Variants in RGL1 observed in about 807,000 individuals in gnomAD.
RGL1 encodes ral guanine nucleotide dissociation stimulator-like 1.
Under a neutral mutation model 95.2 loss-of-function variants are expected in RGL1, and 24 were observed. That is an observed-to-expected ratio of 0.25 (90% CI 0.18 to 0.35). The LOEUF is 0.35. RGL1 is among the 10% of genes least tolerant of loss of function. RGL1 has a pLI of 1.00. For missense variants in RGL1, 715 were observed against 936.3 expected (o/e 0.76, Z 3.08); for synonymous variants, 329 against 344.9 (o/e 0.95, Z 0.51).
intron 2 of RGL1, among the ~76,000 whole-genome samples, chr1:183,837,191 G>A (rs1408701076): frequency 6.6e-6 from 1 of 151,702 alleles, no homozygotes; most frequent in Non-Finnish European, 1.5e-5. Flanking sequence ...GCCCCATGGA[G>A]CTGTCTGTGG....
intron 1 of RGL1, among the ~76,000 whole-genome samples, chr1:183,700,411 G>C (rs967542869): frequency 1.3e-5 from 2 of 149,160 alleles, no homozygotes; most frequent in African/African-American, 4.9e-5. Context: ...AAAATGGACA[G>C]AAAGCAGGTT....
At chr1:183,706,300 A>C (rs1406850355) in intron 1 of RGL1, among the ~76,000 whole-genome samples, 1 of 152,154 alleles carries the variant, frequency 6.6e-6, no homozygotes, top group Non-Finnish European at 1.5e-5. Flanking sequence ...CAATTCCCAC[A>C]ACAGAGACTT....
In RGL1 at chr1:183,928,163, T is replaced by TTA. The variant is rs562119147; in HGVS notation, c.*1871_*1872insTA. Reference sequence around the variant, plus strand: ...CAGCCTGATATTCTTGGTGCGAAGGTAAAAAAAAAAAAATAAATAAAACCA... The same window carrying TTA: ...CAGCCTGATATTCTTGGTGCGAAGGTTAAAAAAAAAAAAAATAAATAAAACCA... On this transcript the variant is annotated 3_prime_UTR_variant, in exon 18 of 18. Transcript: ENST00000360851. 1.4e-5 allele frequency: 2 copies of TTA among 144,514 alleles called. No individual in the cohort carries two copies. Among genetic ancestry groups the TTA allele is most frequent in the African/African-American group, 2.6e-5 (1 of 39,090 alleles). 9.0% of individuals were successfully genotyped at this position (144,514 alleles called of 1,614,324 possible).
At chr1:183,880,944 A>T in intron 5 of RGL1, 144 bp downstream of exon 5, 1 of 730,278 alleles carries the variant, frequency 1.4e-6, no homozygotes, top group South Asian at 2.0e-5. Flanking sequence ...CTTGAGTATA[A>T]AATTCTCAAG....
At chr1:183,880,486 T>C in intron 4 of RGL1, 130 bp from the exon 5 acceptor site, 2 of 656,126 alleles carry the variant, frequency 3.0e-6, no homozygotes. Context: ...TAGGAACTTT[T>C]GGATGAATGA....
At chr1:183,871,619 A>C (rs1194623720) in intron 4 of RGL1, among the ~76,000 whole-genome samples, 1 of 152,260 alleles carries the variant, frequency 6.6e-6, no homozygotes, top group East Asian at 1.9e-4. Context: ...AGTACCAAGT[A>C]AAATCTTTCC....
At chr1:183,834,721 G>A (rs1382575495) in intron 2 of RGL1, among the ~76,000 whole-genome samples, 1 of 151,958 alleles carries the variant, frequency 6.6e-6, no homozygotes, top group Non-Finnish European at 1.5e-5. Flanking sequence ...CAGGGACTTG[G>A]TCTGTTGCCC....
At chr1:183,877,987 T>C (rs1666606168) in intron 4 of RGL1, among the ~76,000 whole-genome samples, 1 of 152,162 alleles carries the variant, frequency 6.6e-6, no homozygotes. Context: ...TGCACATATT[T>C]TGTAGTTGTG....
At chr1:183,869,661 T>G (rs1489111622) in intron 4 of RGL1, among the ~76,000 whole-genome samples, 1 of 152,196 alleles carries the variant, frequency 6.6e-6, no homozygotes. Flanking sequence ...TTCATCTCAC[T>G]TCACTATTAT....
rs959975077 is a variant in RGL1 at position 183,756,759 on chromosome 1, T to C, written c.132+14470T>C. 3.9e-5 allele frequency among the ~76,000 whole-genome samples: 6 copies of C among 152,324 alleles called. No individual in the cohort carries two copies. The East Asian group carries it at 5.8e-4, about 15-fold the overall frequency. On this transcript the variant is annotated intron_variant, in intron 2 of 18. Coordinates refer to the RGL1 transcript ENST00000304685. ...CAGACCAGGCCTCTTAGTCTTCTTC[T>C]TTTTAAAAAATTTATATTCCCATAT... is the stretch of plus-strand genomic sequence containing the variant.
chr1:183,688,272 T>C (rs143595195), intron 1 of RGL1, among the ~76,000 whole-genome samples: 2 of 152,320 alleles, frequency 1.3e-5, no homozygotes, highest in East Asian at 3.9e-4. Flanking sequence ...AACTCAGAGA[T>C]TCATGAAACA....
intron 1 of RGL1, chr1:183,648,287 AGG>A: frequency 6.2e-7 from 1 of 1,614,202 alleles, no homozygotes; most frequent in Non-Finnish European, 8.5e-7. Context: ...ATGCTGAGGC[AGG>A]AAAGTCCATC....
intron 2 of RGL1, among the ~76,000 whole-genome samples, chr1:183,777,850 A>T (rs1436206979): frequency 6.6e-6 from 1 of 152,138 alleles, no homozygotes; most frequent in Non-Finnish European, 1.5e-5. Flanking sequence ...TTTTATTGTC[A>T]TTTGAATTCT....
At chr1:183,714,536 A>G (rs1423120495) in intron 1 of RGL1, among the ~76,000 whole-genome samples, 1 of 152,210 alleles carries the variant, frequency 6.6e-6, no homozygotes, top group Non-Finnish European at 1.5e-5. Flanking sequence ...TTTAGAATCA[A>G]TGATAATCTC....
chr1:183,709,975 G>GAGT (rs1483995590), intron 1 of RGL1: 15 of 155,232 alleles, frequency 9.7e-5, no homozygotes, highest in African/African-American at 3.4e-4. Context: ...CAGCAAGAAG[G>GAGT]AGTACATGGC....
rs1285406966 is a variant in RGL1, at chr1:183,823,838, G to A, written c.138+17353G>A. ...AGGGTCTTGCTCTGTCACACAAGCT[G>A]GAGTGCAGTATGGTCATAGCTTACT... is the stretch of plus-strand genomic sequence containing the variant. On this transcript the variant is annotated intron_variant, in intron 2 of 17. Transcript: ENST00000360851. 2.6e-5 allele frequency among the ~76,000 whole-genome samples: 4 copies of A among 152,212 alleles called. No individual in the cohort carries two copies. In the East Asian group the frequency reaches 7.7e-4, roughly 29 times the overall value.
At chr1:183,823,350 A>T (rs1662626584) in intron 2 of RGL1, among the ~76,000 whole-genome samples, 1 of 152,012 alleles carries the variant, frequency 6.6e-6, no homozygotes, top group Non-Finnish European at 1.5e-5. Flanking sequence ...TTAAAAAATT[A>T]AATATAGAAA....
chr1:183,695,277 C>T (rs1233908505), intron 1 of RGL1, among the ~76,000 whole-genome samples: 1 of 152,312 alleles, frequency 6.6e-6, no homozygotes, highest in Non-Finnish European at 1.5e-5. Context: ...GTTCCATTCA[C>T]CTAAGTCAGC....
intron 17 of RGL1, among the ~76,000 whole-genome samples, 196 bp downstream of exon 17, chr1:183,922,532 C>T (rs926390413): frequency 3.3e-5 from 5 of 152,194 alleles, no homozygotes; most frequent in African/African-American, 9.6e-5. Flanking sequence ...AACCGCTCTC[C>T]GATTCCCCAG....
Sources: allele counts gnomAD v4.1 joint callset (sites outside exome capture counted in the v4.1 genomes callset), GRCh38; gene constraint gnomAD v4.1.1; transcripts MANE v1.5; gene names NCBI Gene and HGNC (gene_info 2026-07-23, HGNC 2026-07-21).